The following TENM2 variants were observed in gnomAD, a reference collection of about 807,000 sequenced individuals.
TENM2 encodes teneurin-2.
A neutral mutation model predicts 245.2 loss-of-function variants in TENM2; 52 were observed. The observed-to-expected ratio is 0.21, with a 90% CI of 0.17 to 0.27. The LOEUF is 0.27. Ranked by LOEUF, TENM2 falls within the 10% of genes least tolerant of loss-of-function variation. The pLI is 1.00. For synonymous variants in TENM2, 1,363 were observed against 1,438.9 expected (o/e 0.95, Z 1.19); for missense variants, 3,046 against 3,666.8 (o/e 0.83, Z 4.37).
At chr5:168,227,839 A>C (rs1764363628) in intron 24 of TENM2, 56 bp from the exon 27 acceptor site, 2 of 1,173,988 alleles carry the variant, frequency 1.7e-6, no homozygotes, top group Non-Finnish European at 2.4e-6. Flanking sequence ...TTCTCTTCTG[A>C]CTAATAGAGC....
chr5:167,433,995 T>C (rs1433014520), intron 2 of TENM2, among the ~76,000 whole-genome samples: 2 of 152,320 alleles, frequency 1.3e-5, no homozygotes, highest in East Asian at 3.9e-4. Flanking sequence ...TGAGATCCTT[T>C]AGCTTCTACA....
chr5:167,895,132 G>C (rs1250694909), intron 3 of TENM2, among the ~76,000 whole-genome samples: 1 of 152,110 alleles, frequency 6.6e-6, no homozygotes, highest in African/African-American at 2.4e-5. Context: ...TGTGAACTGA[G>C]ACTTTCTATT....
At chr5:167,562,407 G>A (rs1773651564) in intron 2 of TENM2, among the ~76,000 whole-genome samples, 3 of 152,150 alleles carry the variant, frequency 2.0e-5, no homozygotes, top group Non-Finnish European at 4.4e-5. Context: ...GGAGAATGAG[G>A]TGTGGGCAAG....
intron 1 of TENM2, among the ~76,000 whole-genome samples, chr5:167,294,720 CA>C (rs1177828385): frequency 3.2e-4 from 49 of 152,236 alleles, no homozygotes; most frequent in African/African-American, 1.2e-3. Context: ...AATTTTGAAT[CA>C]AGTGCCAGTC....
intron 2 of TENM2, among the ~76,000 whole-genome samples, chr5:167,605,040 G>A (rs978584140): frequency 6.6e-6 from 1 of 152,154 alleles, no homozygotes; most frequent in African/African-American, 2.4e-5. Flanking sequence ...TTCTTGAACT[G>A]CAATTAATGA....
At chr5:167,675,479 G>A (rs1289831268) in intron 2 of TENM2, among the ~76,000 whole-genome samples, 2 of 152,174 alleles carry the variant, frequency 1.3e-5, no homozygotes, top group African/African-American at 4.8e-5. Flanking sequence ...AGTGTTCAAC[G>A]ACTTGTTATT....
chr5:167,980,165 G>A (rs1321316135), intron 4 of TENM2, among the ~76,000 whole-genome samples: 1 of 152,194 alleles, frequency 6.6e-6, no homozygotes, highest in Non-Finnish European at 1.5e-5. Context: ...GGAAAGGCAT[G>A]TGACAAACAA....
chr5:168,257,494 T>C (rs914211790), intron 27 of TENM2, among the ~76,000 whole-genome samples: 5 of 152,144 alleles, frequency 3.3e-5, no homozygotes, highest in Non-Finnish European at 7.3e-5. Flanking sequence ...GGAGATGTGG[T>C]CAGACAGGTC....
At chr5:168,207,759 A>T (rs1292577432) in intron 19 of TENM2, among the ~76,000 whole-genome samples, 1 of 152,010 alleles carries the variant, frequency 6.6e-6, no homozygotes, top group African/African-American at 2.4e-5. Flanking sequence ...CCCACCCCGG[A>T]GCTGAGCCTC....
At chr5:168,250,711 G>A (rs961822330) in intron 27 of TENM2, among the ~76,000 whole-genome samples, 1 of 152,138 alleles carries the variant, frequency 6.6e-6, no homozygotes, top group Non-Finnish European at 1.5e-5. Context: ...ATGGCCAAGC[G>A]ACCTAGGCTA....
At chr5:167,455,733 T>C (rs1765879601) in intron 2 of TENM2, among the ~76,000 whole-genome samples, 1 of 152,186 alleles carries the variant, frequency 6.6e-6, no homozygotes, top group Admixed American at 6.5e-5. Flanking sequence ...ATATAGCTTT[T>C]AAGTTGTCAT....
At chr5:167,728,481 G>A (rs532638317) in intron 2 of TENM2, among the ~76,000 whole-genome samples, 14 of 135,844 alleles carry the variant, frequency 1.0e-4, no homozygotes, top group African/African-American at 3.3e-4. Context: ...ATGGTGGTGC[G>A]TGCCTATGGT....
At chr5:168,141,143 C>G (rs148195043) in intron 12 of TENM2, among the ~76,000 whole-genome samples, 2 of 152,148 alleles carry the variant, frequency 1.3e-5, no homozygotes, top group Non-Finnish European at 2.9e-5. Flanking sequence ...CAGGCATGAC[C>G]CAGAGAGAAG....
In TENM2 at chr5:167,650,694, G is replaced by C. The variant is rs114169455; in HGVS notation, c.503-225292G>C. Among the ~76,000 whole-genome samples, 486 of 152,250 alleles carry C rather than the reference G, an allele frequency of 3.2e-3. 3 individuals are homozygous for C. The highest frequency in any genetic ancestry group is 0.011 in the African/African-American group (457 of 41,568). On this transcript the variant is annotated intron_variant, in intron 2 of 28. Transcript: ENST00000518659. ...ATACTTGAGAAGCAGAAGTGACCCT[G>C]AAGATTAAAAGGCGAGTATTTTTAC...
chr5:167,127,627 TTA>T, the TENM2 span, among the ~76,000 whole-genome samples: 3 of 147,410 alleles, frequency 2.0e-5, no homozygotes, highest in Non-Finnish European at 3.0e-5. Context: ...TTTTTTTTTT[TTA>T]AAAAAAAAAA....
In TENM2 at chr5:167,612,335, C is replaced by T. The variant is rs368349600; in HGVS notation, c.502+236862C>T. Among the ~76,000 whole-genome samples, 12 of 152,078 alleles carry T rather than the reference C, an allele frequency of 7.9e-5. No homozygotes were observed. In the South Asian group the frequency reaches 1.9e-3, roughly 24 times the overall value. ...ATCAAGACACGCATTTCCATGGAAA[C>T]GAACTCACCCAACCCCCAAAGATAA... On this transcript the variant is annotated intron_variant, in intron 2 of 28. Coordinates refer to ENST00000518659, the Ensembl canonical transcript of TENM2.
chr5:167,212,441 A>C, the TENM2 span, among the ~76,000 whole-genome samples: 31,520 of 152,086 alleles, frequency 0.21, 3,885 homozygotes, highest in African/African-American at 0.34. Context: ...CTTGAAAATT[A>C]ACTGCTAAAT....
intron 2 of TENM2, among the ~76,000 whole-genome samples, chr5:167,582,107 C>T (rs1302066247): frequency 6.6e-6 from 1 of 152,004 alleles, no homozygotes; most frequent in Non-Finnish European, 1.5e-5. Flanking sequence ...TATGGAAAAA[C>T]CAGGCTAGGG....
chr5:167,644,353 T>C (rs2150260921), intron 2 of TENM2, among the ~76,000 whole-genome samples: 1 of 152,324 alleles, frequency 6.6e-6, no homozygotes, highest in Admixed American at 6.5e-5. Context: ...TTTTTCTCTT[T>C]TCCCAATTTC....
Sources: allele counts gnomAD v4.1 joint callset (sites outside exome capture counted in the v4.1 genomes callset), GRCh38; gene constraint gnomAD v4.1.1; transcripts MANE v1.5; gene names NCBI Gene and HGNC (gene_info 2026-07-23, HGNC 2026-07-21).